UBE2S: variants seen among roughly 807,000 people sequenced by gnomAD.
The protein encoded by UBE2S is ubiquitin-conjugating enzyme E2 S.
UBE2S carries 3 observed loss-of-function variants against 12.3 expected under a neutral mutation model. The ratio of observed to expected loss-of-function variants is 0.24; its 90% CI spans 0.11 to 0.63. The LOEUF (loss-of-function observed/expected upper bound fraction) is 0.63, where lower values mean the gene tolerates loss of function less well. Among genes scored for constraint, UBE2S ranks in the 30% least tolerant of loss-of-function variants. UBE2S has a pLI of 0.85. For missense variants in UBE2S, 211 were observed against 313.9 expected, an observed-to-expected ratio of 0.67 and a Z score of 2.48; for synonymous variants, 133 against 142.0, an observed-to-expected ratio of 0.94 and a Z score of 0.45.
In UBE2S at chr19:55,404,401, C is replaced by T; in HGVS notation, c.229G>A (p.Gly77Ser). The T allele has an allele frequency of 6.2e-7, 1 of 1,613,624 alleles. No individual in the cohort carries two copies. Among genetic ancestry groups the T allele is most frequent in the East Asian group, 2.2e-5 (1 of 44,862 alleles). ...GKDFPASPPKGYFLTKIFHPN... is the reference protein window; with the variant it reads ...GKDFPASPPKSYFLTKIFHPN... ...TGGAAGATCTTGGTCAGGAAGTAGCCCTTGGGTGGGGAGGCAGGGAAGTCC... is the reference window on the plus strand; with the variant it reads ...TGGAAGATCTTGGTCAGGAAGTAGCTCTTGGGTGGGGAGGCAGGGAAGTCC... The change falls in exon 3 of 4, where the codon GGC becomes AGC. Residue 77 changes from glycine (G) to serine (S), a missense_variant. Transcript: ENST00000264552. This position sits in a 1 kb window ranked among gnomAD's most constrained non-coding sequence, Gnocchi z 4.4.
At chr19:55,403,531 G>A (rs1600320362) in intron 3 of UBE2S, among the ~76,000 whole-genome samples, 2 of 148,618 alleles carry the variant, frequency 1.3e-5, no homozygotes, top group Admixed American at 1.3e-4. Flanking sequence ...AAAGAAAAAG[G>A]AAAGAAAGAA....
Position 55,404,705 on chromosome 19 carries a change from G to A in UBE2S, c.152-227C>T, listed in dbSNP as rs1262366887. 6.6e-6 allele frequency among the ~76,000 whole-genome samples: 1 copy of A among 152,142 alleles called. No homozygotes were observed. Among genetic ancestry groups the A allele is most frequent in the Non-Finnish European group, 1.5e-5 (1 of 68,028 alleles). On this transcript the variant is annotated intron_variant, in intron 2 of 3. Transcript: ENST00000264552. The surrounding 1 kb of genome is among the most constrained non-coding windows in gnomAD (Gnocchi z 4.4). ...CAGTTCACTGCCGCCTGCAATTCCT[G>A]GGCTCAGGTGATCCCATCTCAGCCT...
intron 3 of UBE2S, among the ~76,000 whole-genome samples, chr19:55,402,434 A>G (rs950316080): frequency 2.0e-5 from 3 of 152,138 alleles, no homozygotes; most frequent in Non-Finnish European, 4.4e-5. Context: ...CCCCCTTCAC[A>G]GCCCGTCCTG....
intron 2 of UBE2S, among the ~76,000 whole-genome samples, chr19:55,405,942 C>T (rs1010681507): frequency 1.3e-5 from 2 of 152,174 alleles, no homozygotes; most frequent in African/African-American, 2.4e-5. Context: ...TGGGTTCTTC[C>T]CCCTGCCAGG....
chr19:55,405,040 G>A (rs553846024), intron 2 of UBE2S, among the ~76,000 whole-genome samples: 39 of 149,228 alleles, frequency 2.6e-4, no homozygotes, highest in African/African-American at 4.2e-4. Context: ...GAGAAACCCC[G>A]TCTCTACTAA....
intron 2 of UBE2S, 83 bp downstream of exon 2, chr19:55,406,732 G>A (rs1195258929): frequency 6.6e-7 from 1 of 1,512,948 alleles, no homozygotes; most frequent in Non-Finnish European, 8.9e-7. Flanking sequence ...AGCCTGTAAT[G>A]GGTACTTCCC....
In UBE2S at chr19:55,401,438, A is replaced by G; in HGVS notation, c.667T>C (p.Ter223GlnextTer9). The G allele has an allele frequency of 6.3e-7, 1 of 1,599,780 alleles. No individual in the cohort carries two copies. Among genetic ancestry groups the G allele is most frequent in the Non-Finnish European group, 8.5e-7 (1 of 1,176,828 alleles). Residue 223 changes from the stop codon to glutamine, a stop_lost, in exon 4 of 4, where the codon TAG (stop) becomes CAG (glutamine). Coordinates refer to ENST00000264552, the MANE Select transcript of UBE2S (RefSeq NM_014501.3). The stretch of plus-strand genomic sequence containing the variant: ...GGTGGAAGGAGGAAGAGAGCCCACT[A>G]CAGCCGCCGCAGCGCCCGCTTCTTG... ...TDKKRALRRL[*>Q]
Position 55,401,109 on chromosome 19 carries a change from C to T in UBE2S, c.*327G>A. ...AGAGGGGTTGTGACCGCTCTACCTC[C>T]ACAGAACAAAGAGGTGGACCCAAAC... On this transcript the variant is annotated 3_prime_UTR_variant, in exon 4 of 4. Transcript: ENST00000264552. 2.6e-6 allele frequency: 1 copy of T among 386,664 alleles called. No individual in the cohort carries two copies. Among genetic ancestry groups the T allele is most frequent in the South Asian group, 3.5e-5 (1 of 28,894 alleles). The allele number at this position is 386,664 out of a possible 1,614,324, so 24.0% of individuals were successfully genotyped here.
intron 3 of UBE2S, among the ~76,000 whole-genome samples, chr19:55,402,458 A>C (rs1390309676): frequency 6.6e-6 from 1 of 152,144 alleles, no homozygotes; most frequent in Non-Finnish European, 1.5e-5. Context: ...GGTAAATTGG[A>C]GTGCAGAGGT....
In UBE2S at chr19:55,404,262, A is replaced by T. The variant is rs753535987; in HGVS notation, c.342+26T>A. On this transcript the variant is annotated intron_variant, in intron 3 of 3. Coordinates refer to ENST00000264552, the MANE Select transcript of UBE2S (RefSeq NM_014501.3). The surrounding 1 kb of genome is among the most constrained non-coding windows in gnomAD (Gnocchi z 4.4). Reference sequence around the variant, plus strand: ...CAGACCTCCAGAGGCAGGAGGCAGGAGGCCCAGCCCCAGCCCAGAACTCAC... The same window carrying T: ...CAGACCTCCAGAGGCAGGAGGCAGGTGGCCCAGCCCCAGCCCAGAACTCAC... The T allele has an allele frequency of 3.1e-6, 5 of 1,612,004 alleles. No homozygotes were observed. The South Asian group carries it at 5.5e-5, about 18-fold the overall frequency.
At position 55,400,635 on chromosome 19, in the gene UBE2S, T is replaced by C. The variant is rs372871268; in HGVS notation, c.*801A>G. 1 of 152,204 alleles carries C rather than the reference T, an allele frequency of 6.6e-6. No homozygotes were observed. Among genetic ancestry groups the C allele is most frequent in the Non-Finnish European group, 1.5e-5 (1 of 68,054 alleles). 9.4% of individuals were successfully genotyped at this position (152,204 alleles called of 1,614,324 possible). A position where few individuals can be genotyped will look rare whatever the true frequency, so the allele number is the denominator to read the frequency against. The stretch of plus-strand genomic sequence containing the variant: ...GAGGACTGAAATCAGCCAACAACCA[T>C]GAGCATGGAAGAGGACCCAGACTAA... On this transcript the variant is annotated 3_prime_UTR_variant, in exon 4 of 4. Transcript: ENST00000264552.
intron 3 of UBE2S, chr19:55,402,883 C>A: frequency 7.1e-7 from 1 of 1,403,176 alleles, no homozygotes; most frequent in Non-Finnish European, 9.6e-7. Context: ...AATTCCCCAC[C>A]CTCTCTGCCA....
chr19:55,407,316 T>C (rs1272890510), intron 1 of UBE2S, among the ~76,000 whole-genome samples: 1 of 151,898 alleles, frequency 6.6e-6, no homozygotes, highest in Non-Finnish European at 1.5e-5. Context: ...AAACCCCGGC[T>C]CAGGTCTGGA....
At chr19:55,407,397 G>A (rs917772281) in intron 1 of UBE2S, among the ~76,000 whole-genome samples, 190 bp downstream of exon 1, 2 of 152,242 alleles carry the variant, frequency 1.3e-5, no homozygotes, top group South Asian at 2.1e-4. Context: ...AGCCCTCGCC[G>A]CCAGGGAGAC....
chr19:55,404,156 A>G lies in UBE2S; in HGVS notation c.342+132T>C, dbSNP rs1192173574. 1.7e-6 allele frequency: 2 copies of G among 1,205,660 alleles called. No homozygotes were observed. The highest frequency in any genetic ancestry group is 2.6e-5 in the East Asian group (1 of 39,164). 74.7% of individuals were successfully genotyped at this position (1,205,660 alleles called of 1,614,324 possible). A position where few individuals can be genotyped will look rare whatever the true frequency, so the allele number is the denominator to read the frequency against. ...TTGTCTTTCCAGGAAAGCTAGCAAC[A>G]TGGATTTTTATGTGGAAACCTTCAA... On this transcript the variant is annotated intron_variant, in intron 3 of 3. Transcript: ENST00000264552. The surrounding 1 kb of genome is among the most constrained non-coding windows in gnomAD (Gnocchi z 4.4).
chr19:55,401,234 C>CCACA lies in UBE2S; in HGVS notation c.*198_*201dup, dbSNP rs1166578770. On this transcript the variant is annotated 3_prime_UTR_variant, in exon 4 of 4. Coordinates refer to ENST00000264552, the MANE Select transcript of UBE2S (RefSeq NM_014501.3). ...GTGCAGGGGAGCCAAACTCCCAGAG[C>CCACA]CACATGGCACCATGCAGCGGTCCTG... 1.5e-6 allele frequency: 1 copy of CCACA among 655,960 alleles called. No homozygotes were observed. Among genetic ancestry groups the CCACA allele is most frequent in the African/African-American group, 1.8e-5 (1 of 54,432 alleles). The allele number at this position is 655,960 out of a possible 1,614,324, so 40.6% of individuals were successfully genotyped here.
In UBE2S at chr19:55,407,596, G is replaced by A. The variant is rs1050539351; in HGVS notation, c.-7C>T. On this transcript the variant is annotated 5_prime_UTR_variant, in exon 1 of 4. Coordinates refer to ENST00000264552, the MANE Select transcript of UBE2S (RefSeq NM_014501.3). ...CATCGCCCGTGCTCACCATGGCTGC[G>A]GCCGGCCGGGGGCGGGTCCCCCCGG... 1 of 1,423,250 alleles carries A rather than the reference G, an allele frequency of 7.0e-7. No homozygotes were observed. The highest frequency in any genetic ancestry group is 9.2e-7 in the Non-Finnish European group (1 of 1,090,412). 88.2% of individuals were successfully genotyped at this position (1,423,250 alleles called of 1,614,324 possible).
At position 55,406,780 on chromosome 19, in the gene UBE2S, G is replaced by C. The variant is rs377509668; in HGVS notation, c.151+35C>G. 1.1e-5 allele frequency: 18 copies of C among 1,593,096 alleles called. No individual in the cohort carries two copies. In the African/African-American group the frequency reaches 2.3e-4, roughly 20 times the overall value. On this transcript the variant is annotated intron_variant, in intron 2 of 3. Transcript: ENST00000264552. ...TAGAGCAGGGTGATGGAGGATCTAA[G>C]CAGCAGCCCCTTCTCTTTTTCCTTC...
intron 1 of UBE2S, among the ~76,000 whole-genome samples, 200 bp from the exon 2 acceptor site, chr19:55,407,162 G>C (rs930601592): frequency 1.3e-5 from 2 of 151,848 alleles, no homozygotes; most frequent in Admixed American, 6.6e-5. Context: ...CGGGTTCACG[G>C]GGGGGCTTGC....
Sources: allele counts gnomAD v4.1 joint callset (sites outside exome capture counted in the v4.1 genomes callset), GRCh38; gene constraint gnomAD v4.1.1; non-coding constraint Gnocchi (gnomAD v3.1); transcripts MANE v1.5; gene names NCBI Gene and HGNC (gene_info 2026-07-23, HGNC 2026-07-21).